The following ERBB4 variants were observed in gnomAD, a reference collection of about 807,000 sequenced individuals.
ERBB4 encodes receptor tyrosine-protein kinase erbB-4.
A neutral mutation model predicts 158.0 loss-of-function variants in ERBB4; 42 were observed. The ratio of observed to expected loss-of-function variants is 0.27; its 90% CI spans 0.21 to 0.34. ERBB4 has a LOEUF of 0.34. Among genes scored for constraint, ERBB4 ranks in the 10% least tolerant of loss-of-function variants. The probability of loss-of-function intolerance (pLI) is 1.00; values close to 1 mark genes in which losing one functional copy is unlikely to be tolerated. For missense variants in ERBB4, 1,333 were observed against 1,624.1 expected (o/e 0.82, Z 3.08); for synonymous variants, 583 against 558.7 (o/e 1.04, Z -0.61).
At chr2:212,493,739 T>C (rs899419913) in intron 1 of ERBB4, among the ~76,000 whole-genome samples, 4 of 151,802 alleles carry the variant, frequency 2.6e-5, no homozygotes, top group African/African-American at 9.7e-5. Context: ...AAAACTTTTA[T>C]GTAACTTTGC....
At chr2:212,098,004 G>A (rs1343945018) in intron 2 of ERBB4, among the ~76,000 whole-genome samples, 2 of 152,150 alleles carry the variant, frequency 1.3e-5, no homozygotes, top group Non-Finnish European at 2.9e-5. Flanking sequence ...TTATGTGGTA[G>A]AATTGTGAGC....
chr2:211,540,558 T>TTTTTG (rs996892529), intron 20 of ERBB4, among the ~76,000 whole-genome samples: 1 of 151,626 alleles, frequency 6.6e-6, no homozygotes, highest in Non-Finnish European at 1.5e-5. Context: ...TTGTTTTTGT[T>TTTTTG]TTTTGTTTTG....
intron 4 of ERBB4, among the ~76,000 whole-genome samples, chr2:211,774,667 T>C (rs1217262108): frequency 3.3e-5 from 5 of 152,144 alleles, no homozygotes; most frequent in Non-Finnish European, 5.9e-5. Context: ...ATACTGATAA[T>C]GCTAGAGGTG....
intron 1 of ERBB4, among the ~76,000 whole-genome samples, chr2:212,360,265 A>C (rs1291805346): frequency 3.3e-5 from 5 of 151,632 alleles, no homozygotes; most frequent in Non-Finnish European, 7.4e-5. Flanking sequence ...TCCAGAGTTA[A>C]CTTCCACTCT....
chr2:212,239,775 A>G (rs2084013881), intron 1 of ERBB4, among the ~76,000 whole-genome samples: 1 of 152,258 alleles, frequency 6.6e-6, no homozygotes, highest in Non-Finnish European at 1.5e-5. Flanking sequence ...TATGAAATAG[A>G]AAATTATGCT....
At chr2:211,564,056 T>C (rs2067481467) in intron 19 of ERBB4, among the ~76,000 whole-genome samples, 1 of 152,152 alleles carries the variant, frequency 6.6e-6, no homozygotes, top group Non-Finnish European at 1.5e-5. Context: ...TCATTTCAAC[T>C]TCATTATACT....
chr2:211,781,880 C>T (rs2076046123), intron 4 of ERBB4, among the ~76,000 whole-genome samples: 1 of 152,152 alleles, frequency 6.6e-6, no homozygotes, highest in Admixed American at 6.5e-5. Flanking sequence ...GGCTTCAAAG[C>T]TGTCCTCCCA....
intron 2 of ERBB4, among the ~76,000 whole-genome samples, chr2:212,102,090 T>TTATATATATATATATATATA (rs57567965): frequency 0.03 from 3,256 of 107,360 alleles, 187 homozygotes; most frequent in Non-Finnish European, 0.052. Context: ...AAAATTTATT[T>TTATATATATATATATATATA]TATATATATA....
chr2:211,633,620 A>T lies in ERBB4; in HGVS notation c.1947-3026T>A, dbSNP rs187542624. Among the ~76,000 whole-genome samples, 104 of 145,218 alleles carry T rather than the reference A, an allele frequency of 7.2e-4. 2 individuals are homozygous for T. In the East Asian group the frequency reaches 0.019, roughly 27 times the overall value. ...TTTATATAAGTTGTGTGTTCTCACT[A>T]GTTTTTTCTTCTTGAGGTAATGTAT... is the stretch of plus-strand genomic sequence containing the variant. On this transcript the variant is annotated intron_variant, in intron 16 of 27. Coordinates refer to ENST00000342788, the MANE Select transcript of ERBB4 (RefSeq NM_005235.3).
intron 19 of ERBB4, among the ~76,000 whole-genome samples, chr2:211,606,339 T>C (rs948606001): frequency 2.6e-5 from 4 of 152,038 alleles, no homozygotes; most frequent in African/African-American, 4.8e-5. Context: ...AGAGTTCCTG[T>C]ACATAAAAAA....
Position 211,917,890 on chromosome 2 carries a change from C to A in ERBB4, c.421+29540G>T, listed in dbSNP as rs192079440. On this transcript the variant is annotated intron_variant, in intron 3 of 27. Coordinates refer to ENST00000342788, the MANE Select transcript of ERBB4 (RefSeq NM_005235.3). The stretch of plus-strand genomic sequence containing the variant: ...GAAGTTACTATGCTGGTGGTATTAA[C>A]CCCTTATATCGTAGAGGCAAGAAAT... Among the ~76,000 whole-genome samples, 8 of 152,230 alleles carry A rather than the reference C, an allele frequency of 5.3e-5. No individual in the cohort carries two copies. The East Asian group carries it at 1.5e-3, about 29-fold the overall frequency.
chr2:212,096,737 G>A (rs73987229), intron 2 of ERBB4, among the ~76,000 whole-genome samples: 3,290 of 152,168 alleles, frequency 0.022, 131 homozygotes, highest in African/African-American at 0.076. Context: ...TGGGAAACTA[G>A]GGTAACTAAT....
chr2:211,875,921 T>C (rs1297342816), intron 3 of ERBB4, among the ~76,000 whole-genome samples: 1 of 152,168 alleles, frequency 6.6e-6, no homozygotes, highest in Non-Finnish European at 1.5e-5. Flanking sequence ...CTAGACCATA[T>C]AGCCCAGACG....
At chr2:212,276,073 T>C (rs1392075111) in intron 1 of ERBB4, among the ~76,000 whole-genome samples, 1 of 151,848 alleles carries the variant, frequency 6.6e-6, no homozygotes, top group Admixed American at 6.6e-5. Flanking sequence ...TCAGCTCTAA[T>C]GTGGTTCCAG....
intron 2 of ERBB4, among the ~76,000 whole-genome samples, chr2:212,071,265 A>C (rs1449197907): frequency 6.6e-6 from 1 of 152,020 alleles, no homozygotes; most frequent in South Asian, 2.1e-4. Context: ...TCTAAGTTAA[A>C]GCTGACTGTT....
chr2:211,941,860 G>GGAAAGAACACTAAGATTT (rs1416032538), intron 3 of ERBB4, among the ~76,000 whole-genome samples: 1 of 151,824 alleles, frequency 6.6e-6, no homozygotes, highest in Non-Finnish European at 1.5e-5. Flanking sequence ...ACAGATACAA[G>GGAAAGAACACTAAGATTT]GAAAGAACAC....
chr2:212,277,891 T>A (rs1177717593), intron 1 of ERBB4, among the ~76,000 whole-genome samples: 3 of 151,810 alleles, frequency 2.0e-5, no homozygotes, highest in Admixed American at 6.6e-5. Context: ...TCAGGTTATA[T>A]TTTGGAAATT....
At chr2:211,432,233 A>C (rs997109053) in intron 20 of ERBB4, among the ~76,000 whole-genome samples, 2 of 152,216 alleles carry the variant, frequency 1.3e-5, no homozygotes, top group African/African-American at 4.8e-5. Flanking sequence ...AGGACTTTGA[A>C]GGATTAATGG....
intron 1 of ERBB4, among the ~76,000 whole-genome samples, chr2:212,331,058 G>GTGTATATATATATATATATATATATA (rs1553619116): frequency 5.3e-5 from 3 of 56,318 alleles, no homozygotes; most frequent in Non-Finnish European, 9.5e-5. Flanking sequence ...TTTGTAATTT[G>GTGTATATATATATATATATATATATA]TATATATATA....
Sources: allele counts gnomAD v4.1 joint callset (sites outside exome capture counted in the v4.1 genomes callset), GRCh38; gene constraint gnomAD v4.1.1; transcripts MANE v1.5; gene names NCBI Gene and HGNC (gene_info 2026-07-23, HGNC 2026-07-21).